ZNF516: variants seen among roughly 807,000 people sequenced by gnomAD.
The protein encoded by ZNF516 is zinc finger protein 516.
In ZNF516, 19 loss-of-function variants were observed where a neutral mutation model predicts 79.7. The ratio of observed to expected loss-of-function variants is 0.24; its 90% CI spans 0.17 to 0.35. The LOEUF (loss-of-function observed/expected upper bound fraction) is 0.35, where lower values mean the gene tolerates loss of function less well. Among genes scored for constraint, ZNF516 ranks in the 10% least tolerant of loss-of-function variants. ZNF516 has a pLI of 1.00. For synonymous variants in ZNF516, 877 were observed against 739.5 expected, an observed-to-expected ratio of 1.19 and a Z score of -3.02; for missense variants, 1,678 against 1,679.5, an observed-to-expected ratio of 1.00 and a Z score of 0.02.
intron 3 of ZNF516, among the ~76,000 whole-genome samples, chr18:76,398,618 G>T (rs1225047995): frequency 2.1e-5 from 3 of 145,974 alleles, no homozygotes; most frequent in African/African-American, 7.6e-5. Flanking sequence ...GAAGGAATGG[G>T]GGCCTTTCTG....
At chr18:76,412,692 C>T (rs966771507) in intron 3 of ZNF516, among the ~76,000 whole-genome samples, 1 of 152,196 alleles carries the variant, frequency 6.6e-6, no homozygotes, top group Admixed American at 6.5e-5. Flanking sequence ...CAAGATGTGG[C>T]CCCACGTGAC....
intron 3 of ZNF516, among the ~76,000 whole-genome samples, chr18:76,404,272 G>A (rs537704787): frequency 2.6e-5 from 4 of 152,370 alleles, no homozygotes; most frequent in Non-Finnish European, 4.4e-5. Flanking sequence ...CTCCACACAC[G>A]CCTGGGGGAG....
At chr18:76,441,217 C>T in intron 3 of ZNF516, 28 bp downstream of exon 3, 1 of 1,596,318 alleles carries the variant, frequency 6.3e-7, no homozygotes, top group Middle Eastern at 2.0e-4. Context: ...GATCCCAGGA[C>T]CCAGGCCACC....
intron 3 of ZNF516, among the ~76,000 whole-genome samples, chr18:76,432,877 A>G (rs1217040967): frequency 6.6e-6 from 1 of 152,212 alleles, no homozygotes; most frequent in Admixed American, 6.5e-5. Context: ...GATCAGTAAC[A>G]AAGGCCCCAG....
intron 3 of ZNF516, among the ~76,000 whole-genome samples, chr18:76,431,835 A>C (rs918336701): frequency 6.6e-6 from 1 of 152,146 alleles, no homozygotes; most frequent in Non-Finnish European, 1.5e-5. Flanking sequence ...GCCAAAATCA[A>C]TCTCTTTTCT....
At chr18:76,396,281 T>C (rs2075145119) in intron 3 of ZNF516, among the ~76,000 whole-genome samples, 1 of 152,068 alleles carries the variant, frequency 6.6e-6, no homozygotes, top group Admixed American at 6.5e-5. Flanking sequence ...AAATAGGTAT[T>C]TGTGATATAA....
At chr18:76,415,687 T>C (rs2075424682) in intron 3 of ZNF516, among the ~76,000 whole-genome samples, 1 of 152,188 alleles carries the variant, frequency 6.6e-6, no homozygotes, top group Non-Finnish European at 1.5e-5. Flanking sequence ...CAGGAAAGAA[T>C]GCTTCTAAAT....
chr18:76,421,739 G>A (rs755722306), intron 3 of ZNF516, among the ~76,000 whole-genome samples: 36 of 152,198 alleles, frequency 2.4e-4, no homozygotes, highest in Non-Finnish European at 4.6e-4. Context: ...TATCACCTAT[G>A]TTTTGCCAAC....
chr18:76,382,285 G>C (rs1197911914), intron 3 of ZNF516, among the ~76,000 whole-genome samples: 1 of 152,194 alleles, frequency 6.6e-6, no homozygotes, highest in Non-Finnish European at 1.5e-5. Flanking sequence ...ATGGAATTAA[G>C]TATATGAAAG....
chr18:76,360,644 A>ATATATATATAT lies in ZNF516; in HGVS notation c.*1853_*1854insATATATATATA, dbSNP rs3991208. 1.0e-3 allele frequency: 106 copies of ATATATATATAT among 101,592 alleles called. No homozygotes were observed. Among genetic ancestry groups the ATATATATATAT allele is most frequent in the African/African-American group, 3.7e-3 (100 of 27,202 alleles). 6.3% of individuals were successfully genotyped at this position (101,592 alleles called of 1,614,324 possible). ...AGAAAAAAATAAGTAAAAAAAAAAAAAAATATATATATATATATATATATA... is the reference window on the plus strand; with the variant it reads ...AGAAAAAAATAAGTAAAAAAAAAAAATATATATATATAAATATATATATATATATATATATA... On this transcript the variant is annotated 3_prime_UTR_variant, in exon 7 of 7. Transcript: ENST00000443185.
intron 5 of ZNF516, 88 bp downstream of exon 5, chr18:76,371,379 C>T: frequency 7.6e-7 from 1 of 1,322,888 alleles, no homozygotes; most frequent in Non-Finnish European, 1.0e-6. Context: ...ATCTCAGTAT[C>T]TCCCTCGCTG....
At chr18:76,418,496 C>G (rs996018350) in intron 3 of ZNF516, among the ~76,000 whole-genome samples, 1 of 152,048 alleles carries the variant, frequency 6.6e-6, no homozygotes, top group East Asian at 1.9e-4. Flanking sequence ...CACTAACATA[C>G]GCTGTAACAC....
At chr18:76,463,798 T>A (rs997054957) in intron 1 of ZNF516, among the ~76,000 whole-genome samples, 1 of 152,156 alleles carries the variant, frequency 6.6e-6, no homozygotes, top group African/African-American at 2.4e-5. Context: ...TGAAAGTCAT[T>A]CCAAAGCGAT....
chr18:76,460,115 C>A (rs747108492), intron 2 of ZNF516, among the ~76,000 whole-genome samples: 1 of 152,202 alleles, frequency 6.6e-6, no homozygotes, highest in South Asian at 2.1e-4. Context: ...CAGCAAGGGG[C>A]GACACTCACC....
intron 1 of ZNF516, among the ~76,000 whole-genome samples, chr18:76,488,409 A>T (rs532275044): frequency 6.6e-6 from 1 of 152,174 alleles, no homozygotes; most frequent in South Asian, 2.1e-4. Context: ...GTGCAAAGGA[A>T]GTCAGAGCGG....
intron 3 of ZNF516, among the ~76,000 whole-genome samples, chr18:76,398,640 G>A (rs927667526): frequency 6.6e-6 from 1 of 151,756 alleles, no homozygotes; most frequent in Non-Finnish European, 1.5e-5. Flanking sequence ...AGGAATGGGG[G>A]CCTGGAATCT....
At chr18:76,362,756 T>A (rs1168482296) in intron 6 of ZNF516, among the ~76,000 whole-genome samples, 199 bp from the exon 7 acceptor site, 1 of 152,204 alleles carries the variant, frequency 6.6e-6, no homozygotes, top group East Asian at 1.9e-4. Flanking sequence ...GTATTTCAAA[T>A]GTGCCTTCCT....
intron 3 of ZNF516, among the ~76,000 whole-genome samples, chr18:76,409,680 A>C (rs117974221): frequency 0.075 from 11,472 of 152,234 alleles, 664 homozygotes; most frequent in South Asian, 0.2. Context: ...TGGATTTGCT[A>C]CTTCACCATG....
chr18:76,371,394 T>C, intron 5 of ZNF516, 73 bp downstream of exon 5: 1 of 1,409,590 alleles, frequency 7.1e-7, no homozygotes, highest in African/African-American at 1.5e-5. Flanking sequence ...TCGCTGCGGA[T>C]GGTCAAGCCA....
Sources: allele counts gnomAD v4.1 joint callset (sites outside exome capture counted in the v4.1 genomes callset), GRCh38; gene constraint gnomAD v4.1.1; transcripts MANE v1.5; gene names NCBI Gene and HGNC (gene_info 2026-07-23, HGNC 2026-07-21).